RBFOX1: variants seen among roughly 807,000 people sequenced by gnomAD.
RBFOX1 encodes RNA binding fox-1 homolog 1, also known as RNA binding protein fox-1 homolog 1.
In RBFOX1, 8 loss-of-function variants were observed where a neutral mutation model predicts 57.7. The observed-to-expected ratio is 0.14, with a 90% CI of 0.08 to 0.25. The LOEUF (loss-of-function observed/expected upper bound fraction) is 0.25, where lower values mean the gene tolerates loss of function less well. Ranked by LOEUF, RBFOX1 falls within the 10% of genes least tolerant of loss-of-function variation. RBFOX1 has a pLI of 1.00. For missense variants in RBFOX1, 611 were observed against 548.5 expected (o/e 1.11, Z -1.14); for synonymous variants, 326 against 222.4 (o/e 1.47, Z -4.15).
chr16:5,902,508 C>G (rs2058328721), intron 4 of RBFOX1, among the ~76,000 whole-genome samples: 1 of 152,142 alleles, frequency 6.6e-6, no homozygotes, highest in African/African-American at 2.4e-5. Context: ...CACCGCCTCC[C>G]AGGTTCGAGT....
chr16:6,845,517 G>A (rs1207064294), intron 3 of RBFOX1, among the ~76,000 whole-genome samples: 1 of 152,074 alleles, frequency 6.6e-6, no homozygotes, highest in African/African-American at 2.4e-5. Context: ...TCTGAGTTCT[G>A]TGTTCTGTTC....
At chr16:6,578,957 A>G (rs1335057873) in intron 2 of RBFOX1, among the ~76,000 whole-genome samples, 2 of 152,154 alleles carry the variant, frequency 1.3e-5, no homozygotes, top group East Asian at 3.9e-4. Context: ...GGCTCTGGTG[A>G]TGGGTGTACC....
intron 4 of RBFOX1, among the ~76,000 whole-genome samples, chr16:5,930,249 G>C (rs2059021892): frequency 9.0e-6 from 1 of 111,650 alleles, no homozygotes; most frequent in African/African-American, 3.4e-5. Context: ...ATGGATGCTT[G>C]GATGTATAGA....
intron 14 of RBFOX1, among the ~76,000 whole-genome samples, chr16:7,699,005 A>T (rs774311127): frequency 6.6e-6 from 1 of 152,210 alleles, no homozygotes; most frequent in African/African-American, 2.4e-5. Flanking sequence ...TTCTAGAAGA[A>T]TGCACCAAAG....
intron 3 of RBFOX1, among the ~76,000 whole-genome samples, chr16:6,708,612 C>A (rs1157282190): frequency 4.6e-5 from 7 of 152,274 alleles, no homozygotes; most frequent in Non-Finnish European, 1.5e-5. Flanking sequence ...ACCTTTTAAG[C>A]CAACAGCTGA....
chr16:6,562,864 C>CTT (rs1253608262), intron 2 of RBFOX1, among the ~76,000 whole-genome samples: 1 of 50,246 alleles, frequency 2.0e-5, no homozygotes, highest in Non-Finnish European at 3.3e-5. Context: ...TTCTTTCTTT[C>CTT]TTTCTTTCTT....
At chr16:6,103,765 G>A (rs774462604) in intron 1 of RBFOX1, among the ~76,000 whole-genome samples, 4 of 152,132 alleles carry the variant, frequency 2.6e-5, no homozygotes, top group African/African-American at 4.8e-5. Flanking sequence ...AACCAGTCAT[G>A]TGACCTCCAT....
chr16:5,864,033 T>G (rs760543008), intron 3 of RBFOX1, among the ~76,000 whole-genome samples: 1 of 152,200 alleles, frequency 6.6e-6, no homozygotes, highest in Non-Finnish European at 1.5e-5. Context: ...CCATTATTTT[T>G]CGTGATCCTC....
At chr16:5,995,475 G>C (rs1567233701) in intron 4 of RBFOX1, among the ~76,000 whole-genome samples, 1 of 151,828 alleles carries the variant, frequency 6.6e-6, no homozygotes, top group African/African-American at 2.4e-5. Context: ...GAGAGAGGGA[G>C]AAAAAAAATA....
At chr16:7,351,454 C>G (rs1419751887) in intron 4 of RBFOX1, among the ~76,000 whole-genome samples, 1 of 152,134 alleles carries the variant, frequency 6.6e-6, no homozygotes, top group Non-Finnish European at 1.5e-5. Flanking sequence ...AATTTATGTT[C>G]TTGTAGGGGA....
intron 2 of RBFOX1, among the ~76,000 whole-genome samples, chr16:6,636,233 C>T (rs545156213): frequency 6.6e-6 from 1 of 152,100 alleles, no homozygotes; most frequent in Non-Finnish European, 1.5e-5. Flanking sequence ...TGCAGAGGCA[C>T]GATCTCGGCT....
intron 1 of RBFOX1, among the ~76,000 whole-genome samples, chr16:5,388,570 G>T (rs939693868): frequency 6.6e-6 from 1 of 151,880 alleles, no homozygotes; most frequent in Non-Finnish European, 1.5e-5. Flanking sequence ...CTGTGTGTGT[G>T]TATGTATGTA....
At chr16:6,847,259 A>G (rs905310624) in intron 3 of RBFOX1, among the ~76,000 whole-genome samples, 1 of 152,130 alleles carries the variant, frequency 6.6e-6, no homozygotes, top group Non-Finnish European at 1.5e-5. Context: ...ATGCCTTTCT[A>G]GGCTGGCTGG....
intron 3 of RBFOX1, among the ~76,000 whole-genome samples, chr16:5,823,751 G>A (rs28672707): frequency 1.3e-5 from 2 of 152,196 alleles, no homozygotes; most frequent in South Asian, 2.1e-4. Flanking sequence ...TTTAATGCCC[G>A]ATGATCTGTC....
chr16:6,050,101 G>T (rs909754162), intron 1 of RBFOX1, among the ~76,000 whole-genome samples: 1 of 151,916 alleles, frequency 6.6e-6, no homozygotes, highest in African/African-American at 2.4e-5. Flanking sequence ...TGGAACTGCA[G>T]GTGTATGCCA....
At chr16:5,522,256 C>G (rs753959602) in intron 2 of RBFOX1, among the ~76,000 whole-genome samples, 2 of 152,168 alleles carry the variant, frequency 1.3e-5, no homozygotes, top group Admixed American at 6.5e-5. Context: ...GTCCATGTAC[C>G]TCTTTGAGTC....
chr16:6,894,579 C>G lies in RBFOX1; in HGVS notation c.-15-157478C>G, dbSNP rs568104936. Among the ~76,000 whole-genome samples the G allele has an allele frequency of 4.6e-5, 7 of 152,318 alleles. No homozygotes were observed. The South Asian group carries it at 1.0e-3, about 23-fold the overall frequency. On this transcript the variant is annotated intron_variant, in intron 3 of 15. Coordinates refer to ENST00000550418, the MANE Select transcript of RBFOX1 (RefSeq NM_018723.4). Reference sequence around the variant, plus strand: ...AAAACAAGAAGTATTTCTGAAAACACTTGCCCCATTTGGGGTTCTCAGTGC... The same window carrying G: ...AAAACAAGAAGTATTTCTGAAAACAGTTGCCCCATTTGGGGTTCTCAGTGC...
At chr16:7,651,818 G>A (rs2065124307) in intron 11 of RBFOX1, among the ~76,000 whole-genome samples, 2 of 152,194 alleles carry the variant, frequency 1.3e-5, no homozygotes, top group South Asian at 4.1e-4. Flanking sequence ...CCTGGGACAG[G>A]GACTTACCAA....
At chr16:6,986,204 A>G (rs1371227522) in intron 3 of RBFOX1, among the ~76,000 whole-genome samples, 2 of 150,624 alleles carry the variant, frequency 1.3e-5, no homozygotes, top group African/African-American at 4.9e-5. Context: ...TTATTTATTT[A>G]TTTATTTATT....
Sources: gnomAD v4.1 joint callset for allele counts (sites outside exome capture counted in the v4.1 genomes callset) on GRCh38, gnomAD v4.1.1 for gene constraint, MANE v1.5 for transcripts, NCBI Gene and HGNC (gene_info 2026-07-23, HGNC 2026-07-21) for gene names.